Variants in ADAMTS9 observed in about 807,000 individuals in gnomAD.
ADAMTS9 encodes the protein ADAM metallopeptidase with thrombospondin type 1 motif 9.
Under a neutral mutation model 257.1 loss-of-function variants are expected in ADAMTS9, and 107 were observed. The ratio of observed to expected loss-of-function variants is 0.42; its 90% CI spans 0.36 to 0.49. ADAMTS9 has a LOEUF of 0.49. Ranked by LOEUF, ADAMTS9 falls within the 20% of genes least tolerant of loss-of-function variation. The pLI is 0.03. For missense variants in ADAMTS9, 2,353 were observed against 2,469.1 expected, an observed-to-expected ratio of 0.95 and a Z score of 1.00; for synonymous variants, 982 against 880.9, an observed-to-expected ratio of 1.11 and a Z score of -2.03.
At chr3:64,572,391 C>T (rs961156322) in intron 28 of ADAMTS9, among the ~76,000 whole-genome samples, 3 of 152,208 alleles carry the variant, frequency 2.0e-5, no homozygotes, top group Non-Finnish European at 4.4e-5. Flanking sequence ...TGTTCTTAAC[C>T]TCTATCGAGG....
In ADAMTS9 at chr3:64,682,118, G is replaced by T. The variant is rs538976697; in HGVS notation, c.517-755C>A. 2.6e-5 allele frequency among the ~76,000 whole-genome samples: 4 copies of T among 152,194 alleles called. No individual in the cohort carries two copies. The East Asian group carries it at 5.8e-4, about 22-fold the overall frequency. On this transcript the variant is annotated intron_variant, in intron 2 of 39. Transcript: ENST00000498707. Reference sequence around the variant, plus strand: ...AAATAGGGGAGTGATGTCCTGCAAGGCTTTGAAGCCAGATTGCCCTAGGTT... The same window carrying T: ...AAATAGGGGAGTGATGTCCTGCAAGTCTTTGAAGCCAGATTGCCCTAGGTT...
chr3:64,587,515 T>A (rs955800857), intron 28 of ADAMTS9: 7 of 152,260 alleles, frequency 4.6e-5, no homozygotes, highest in Admixed American at 4.6e-4. Flanking sequence ...AAGTGCTCAG[T>A]ATTAACCACA....
chr3:64,522,708 T>C (rs569252446), intron 38 of ADAMTS9, among the ~76,000 whole-genome samples: 1 of 152,232 alleles, frequency 6.6e-6, no homozygotes, highest in African/African-American at 2.4e-5. Flanking sequence ...CACAGTGACA[T>C]TGTTTTAATT....
chr3:64,624,610 T>A (rs1432198502), intron 16 of ADAMTS9, among the ~76,000 whole-genome samples: 3 of 152,196 alleles, frequency 2.0e-5, no homozygotes, highest in African/African-American at 7.2e-5. Flanking sequence ...TTTCTAAAAT[T>A]GACTCCCTTT....
intron 3 of ADAMTS9, among the ~76,000 whole-genome samples, chr3:64,668,511 G>A (rs1179158909): frequency 6.6e-6 from 1 of 152,142 alleles, no homozygotes. Flanking sequence ...TGTGACCTCT[G>A]GTGAGTCACT....
At chr3:64,622,677 G>C (rs772650298) in intron 16 of ADAMTS9, 91 bp from the exon 17 acceptor site, 1 of 1,405,154 alleles carries the variant, frequency 7.1e-7, no homozygotes. Flanking sequence ...GTAGAGAGTC[G>C]CTGTGCACGG....
In ADAMTS9 at chr3:64,587,557, A is replaced by C. The variant is rs563780808; in HGVS notation, c.4356+6701T>G. 9.2e-5 allele frequency: 14 copies of C among 152,256 alleles called. No individual in the cohort carries two copies. In the East Asian group the frequency reaches 2.7e-3, roughly 29 times the overall value. 9.4% of individuals were successfully genotyped at this position (152,256 alleles called of 1,614,324 possible). A position where few individuals can be genotyped will look rare whatever the true frequency, so the allele number is the denominator to read the frequency against. ...TAGTGGCTTCCATAAAGGAAGGCAA[A>C]AATAGAGAACATTTACATCGCTGCA... is the stretch of plus-strand genomic sequence containing the variant. On this transcript the variant is annotated intron_variant, in intron 28 of 39. Transcript: ENST00000498707.
chr3:64,632,737 T>C (rs1229799856), intron 14 of ADAMTS9, among the ~76,000 whole-genome samples: 1 of 151,872 alleles, frequency 6.6e-6, no homozygotes, highest in Non-Finnish European at 1.5e-5. Context: ...AAATCTGCAG[T>C]ATAAGCTATT....
intron 39 of ADAMTS9, among the ~76,000 whole-genome samples, chr3:64,517,415 G>GTTTTTTTTTTTTTTTTTT (rs1242670245): frequency 9.5e-4 from 11 of 11,540 alleles, no homozygotes; most frequent in Non-Finnish European, 3.0e-3. Context: ...AATTAAAAAT[G>GTTTTTTTTTTTTTTTTTT]GTTTTTTTTT....
chr3:64,574,953 C>T (rs1466932780), intron 28 of ADAMTS9, among the ~76,000 whole-genome samples: 1 of 152,138 alleles, frequency 6.6e-6, no homozygotes, highest in Non-Finnish European at 1.5e-5. Flanking sequence ...GACTTTAATG[C>T]CTTTTCTCAC....
At chr3:64,607,343 G>A (rs111243885) in intron 22 of ADAMTS9, among the ~76,000 whole-genome samples, 330 of 152,286 alleles carry the variant, frequency 2.2e-3, no homozygotes, top group African/African-American at 7.7e-3. Flanking sequence ...CTCCTAGAAG[G>A]AGCAGACTGC....
chr3:64,601,852 A>C (rs971740040), intron 26 of ADAMTS9, 92 bp downstream of exon 26: 3 of 1,455,956 alleles, frequency 2.1e-6, no homozygotes, highest in Admixed American at 4.6e-5. Flanking sequence ...CTTGTAAAGA[A>C]AAAAATATGC....
At chr3:64,660,846 GTT>G (rs1379717611) in intron 3 of ADAMTS9, among the ~76,000 whole-genome samples, 1 of 152,154 alleles carries the variant, frequency 6.6e-6, no homozygotes, top group Non-Finnish European at 1.5e-5. Context: ...TGCTGAGGTT[GTT>G]AAGGTCTATG....
At chr3:64,656,544 T>A (rs1373565597) in intron 4 of ADAMTS9, among the ~76,000 whole-genome samples, 1 of 152,214 alleles carries the variant, frequency 6.6e-6, no homozygotes, top group African/African-American at 2.4e-5. Context: ...AAGTCACTTG[T>A]CTGAGGCTAC....
In ADAMTS9 at chr3:64,615,394, T is replaced by C. The variant is rs1436271560; in HGVS notation, c.3116A>G (p.His1039Arg). 1 of 1,614,098 alleles carries C rather than the reference T, an allele frequency of 6.2e-7. No individual in the cohort carries two copies. The highest frequency in any genetic ancestry group is 1.7e-5 in the Admixed American group (1 of 60,026). ...NDVLDDSKCT[H>R]QEKVTIQRCS... ...CCTCTGAATGGTAACTTTCTCTTGA[T>C]GTGTGCATTTGCTGTCATCCAGTAC... Residue 1039 changes from histidine (H) to arginine (R), a missense_variant, in exon 21 of 40, where the codon CAT becomes CGT. His to Arg is a conservative substitution (Grantham distance 29). This residue lies in a region of ADAMTS9 where 1,402 missense variants were observed against 1,441.4 expected (regional missense o/e 0.97). Coordinates refer to ENST00000498707, the MANE Select transcript of ADAMTS9 (RefSeq NM_182920.2).
At chr3:64,538,416 A>T (rs1485096533) in intron 37 of ADAMTS9, among the ~76,000 whole-genome samples, 3 of 151,918 alleles carry the variant, frequency 2.0e-5, no homozygotes, top group Admixed American at 1.3e-4. Flanking sequence ...TTATTTTTTT[A>T]AAAATTGGTT....
At chr3:64,528,152 C>T (rs1312720719) in intron 38 of ADAMTS9, among the ~76,000 whole-genome samples, 1 of 152,130 alleles carries the variant, frequency 6.6e-6, no homozygotes, top group South Asian at 2.1e-4. Context: ...GACAAAAAGC[C>T]CCGTAAGCGC....
At chr3:64,645,120 C>G (rs1490194383) in intron 11 of ADAMTS9, among the ~76,000 whole-genome samples, 1 of 152,112 alleles carries the variant, frequency 6.6e-6, no homozygotes, top group Non-Finnish European at 1.5e-5. Context: ...ATAATAATCA[C>G]ATAGCAAAAT....
Position 64,541,875 on chromosome 3 carries a change from C to T in ADAMTS9, c.5160G>A (p.Lys1720=). The T allele has an allele frequency of 6.2e-7, 1 of 1,614,196 alleles. No homozygotes were observed. Among genetic ancestry groups the T allele is most frequent in the Non-Finnish European group, 8.5e-7 (1 of 1,180,020 alleles). ...QPSHLCHTDL[K]PEERKTCRNV... is the part of the protein sequence containing the mutation. ...TACGGCAGGTTTTTCGTTCTTCTGG[C>T]TTCAGATCAGTGTGGCATAAGTGGC... is the stretch of plus-strand genomic sequence containing the variant. The change falls in exon 33 of 40, where the codon AAG becomes AAA. Residue 1720 remains lysine (K), a synonymous_variant. Coordinates refer to ENST00000498707, the MANE Select transcript of ADAMTS9 (RefSeq NM_182920.2).
Sources: gnomAD v4.1 joint callset for allele counts (sites outside exome capture counted in the v4.1 genomes callset) on GRCh38, gnomAD v4.1.1 for gene constraint, gnomAD v4.1.1 regional missense constraint, MANE v1.5 for transcripts, NCBI Gene and HGNC (gene_info 2026-07-23, HGNC 2026-07-21) for gene names.